The following VWA8 variants were observed in gnomAD, a reference collection of about 807,000 sequenced individuals.
VWA8 encodes von Willebrand factor A domain-containing protein 8.
Under a neutral mutation model 241.5 loss-of-function variants are expected in VWA8, and 221 were observed. That is an observed-to-expected ratio of 0.91 (90% CI 0.82 to 1.02). The LOEUF (loss-of-function observed/expected upper bound fraction) is 1.02, where lower values mean the gene tolerates loss of function less well. Among genes scored for constraint, VWA8 ranks in the 50% least tolerant of loss-of-function variants. VWA8 has a pLI of 0.00. For synonymous variants in VWA8, 852 were observed against 827.1 expected (o/e 1.03, Z -0.52); for missense variants, 2,322 against 2,328.7 (o/e 1.00, Z 0.06).
chr13:41,882,630 C>T (rs1442102399), intron 9 of VWA8, among the ~76,000 whole-genome samples: 2 of 152,218 alleles, frequency 1.3e-5, no homozygotes, highest in African/African-American at 4.8e-5. Flanking sequence ...AGCGAAACCC[C>T]GTCTCCACCA....
chr13:41,927,917 T>C (rs1302461385), intron 2 of VWA8, among the ~76,000 whole-genome samples: 1 of 152,164 alleles, frequency 6.6e-6, no homozygotes, highest in Non-Finnish European at 1.5e-5. Context: ...TAAGATATTC[T>C]ATGGAAATGG....
intron 9 of VWA8, among the ~76,000 whole-genome samples, chr13:41,872,792 C>T (rs1249938700): frequency 6.6e-6 from 1 of 151,952 alleles, no homozygotes; most frequent in African/African-American, 2.4e-5. Context: ...CAATGTGGGC[C>T]CTTTTTTGGT....
intron 37 of VWA8, among the ~76,000 whole-genome samples, chr13:41,615,808 A>G (rs555848402): frequency 1.3e-5 from 2 of 152,340 alleles, no homozygotes; most frequent in Non-Finnish European, 1.5e-5. Flanking sequence ...CAGTGTCACC[A>G]AAAGGAGTGA....
chr13:41,953,825 A>G (rs1301042262), intron 1 of VWA8, among the ~76,000 whole-genome samples: 2 of 151,072 alleles, frequency 1.3e-5, no homozygotes, highest in African/African-American at 4.9e-5. Context: ...AAATTAAAAA[A>G]GAAAATTAAA....
At chr13:41,636,542 A>G (rs2044757932) in intron 37 of VWA8, among the ~76,000 whole-genome samples, 1 of 152,242 alleles carries the variant, frequency 6.6e-6, no homozygotes, top group Non-Finnish European at 1.5e-5. Flanking sequence ...CTAAAACACC[A>G]AAAGCAATGG....
intron 26 of VWA8, among the ~76,000 whole-genome samples, chr13:41,716,979 G>A (rs12184540): frequency 6.6e-6 from 1 of 151,704 alleles, no homozygotes; most frequent in Non-Finnish European, 1.5e-5. Context: ...ACACTACTTG[G>A]GGGGCAGGGG....
intron 12 of VWA8, among the ~76,000 whole-genome samples, chr13:41,834,162 C>T (rs907087629): frequency 5.9e-5 from 9 of 152,180 alleles, no homozygotes; most frequent in Non-Finnish European, 1.3e-4. Context: ...AAAGCACACA[C>T]ACAATGTGCT....
At chr13:41,668,717 C>T (rs115031427) in intron 37 of VWA8, among the ~76,000 whole-genome samples, 320 of 152,070 alleles carry the variant, frequency 2.1e-3, no homozygotes, top group African/African-American at 7.4e-3. Flanking sequence ...AGAGATATGA[C>T]AAAAAATTAA....
At chr13:41,591,019 G>A (rs2044450968) in intron 40 of VWA8, among the ~76,000 whole-genome samples, 1 of 152,194 alleles carries the variant, frequency 6.6e-6, no homozygotes, top group African/African-American at 2.4e-5. Flanking sequence ...CTGGAGAGAT[G>A]TCCAGTATCT....
intron 24 of VWA8, among the ~76,000 whole-genome samples, chr13:41,723,381 T>A (rs920878575): frequency 6.6e-6 from 1 of 152,180 alleles, no homozygotes; most frequent in Non-Finnish European, 1.5e-5. Flanking sequence ...AGGAGTCTAG[T>A]GTCTTCTGCC....
rs750171201 is a variant in VWA8, at chr13:41,567,691, C to A, written c.*506G>T. On this transcript the variant is annotated 3_prime_UTR_variant, in exon 45 of 45. Coordinates refer to ENST00000379310, the MANE Select transcript of VWA8 (RefSeq NM_015058.2). ...TTTGGTGGGTTAAATATTATAAAAT[C>A]ATTGTTTTCTGGTCAATACAGAGCA... is the stretch of plus-strand genomic sequence containing the variant. The A allele has an allele frequency of 6.6e-6, 1 of 152,226 alleles. No individual in the cohort carries two copies. The highest frequency in any genetic ancestry group is 1.5e-5 in the Non-Finnish European group (1 of 68,074). The allele number at this position is 152,226 out of a possible 1,614,324, so 9.4% of individuals were successfully genotyped here.
At chr13:41,650,866 T>A (rs1050460267) in intron 37 of VWA8, among the ~76,000 whole-genome samples, 18 of 152,178 alleles carry the variant, frequency 1.2e-4, no homozygotes, top group African/African-American at 4.1e-4. Context: ...GCATGCAGCC[T>A]TAAAGGAAGA....
chr13:41,933,742 A>C (rs1031970490), intron 2 of VWA8, among the ~76,000 whole-genome samples: 3 of 152,040 alleles, frequency 2.0e-5, no homozygotes, highest in African/African-American at 7.2e-5. Context: ...TGGAGCTGAA[A>C]TAACTGGATA....
At chr13:41,852,035 T>A (rs943486790) in intron 12 of VWA8, among the ~76,000 whole-genome samples, 1 of 152,234 alleles carries the variant, frequency 6.6e-6, no homozygotes, top group East Asian at 1.9e-4. Context: ...TGTACTAATT[T>A]ACCTTTCTAC....
At position 41,898,529 on chromosome 13, in the gene VWA8, C is replaced by T. The variant is rs1488659703; in HGVS notation, c.484-6942G>A. ...CCAGCTGGCTTCACCCAGTGGATCC[C>T]GCACCAGGGCTGCAGGTGGAGCTGC... is the stretch of plus-strand genomic sequence containing the variant. On this transcript the variant is annotated intron_variant, in intron 4 of 44. Coordinates refer to ENST00000379310, the MANE Select transcript of VWA8 (RefSeq NM_015058.2). Among the ~76,000 whole-genome samples the T allele has an allele frequency of 7.2e-5, 11 of 152,360 alleles. No individual in the cohort carries two copies. The East Asian group carries it at 2.1e-3, about 29-fold the overall frequency.
At chr13:41,666,297 G>C (rs1247041358) in intron 37 of VWA8, among the ~76,000 whole-genome samples, 1 of 152,016 alleles carries the variant, frequency 6.6e-6, no homozygotes, top group Admixed American at 6.6e-5. Flanking sequence ...TTGGTTACTG[G>C]GATAACTGCA....
intron 30 of VWA8, 128 bp downstream of exon 30, chr13:41,692,734 A>T: frequency 1.6e-6 from 1 of 625,056 alleles, no homozygotes; most frequent in Admixed American, 3.0e-5. Context: ...CTATACGTGC[A>T]TAACAGGAAA....
At chr13:41,807,086 CA>C (rs139714674) in intron 17 of VWA8, among the ~76,000 whole-genome samples, 2,939 of 151,962 alleles carry the variant, frequency 0.019, 93 homozygotes, top group African/African-American at 0.065. Context: ...ATCGGAACAC[CA>C]AGAAGAAACG....
chr13:41,767,605 T>C (rs1028644186), intron 20 of VWA8, among the ~76,000 whole-genome samples: 1 of 152,202 alleles, frequency 6.6e-6, no homozygotes, highest in African/African-American at 2.4e-5. Flanking sequence ...TAAACAGTCA[T>C]ACAAATGGGT....
Sources: gnomAD v4.1 joint callset for allele counts (sites outside exome capture counted in the v4.1 genomes callset) on GRCh38, gnomAD v4.1.1 for gene constraint, MANE v1.5 for transcripts, NCBI Gene and HGNC (gene_info 2026-07-23, HGNC 2026-07-21) for gene names.